RFTN1: variants seen among roughly 807,000 people sequenced by gnomAD.
RFTN1 encodes raftlin, lipid raft linker 1.
RFTN1 carries 26 observed loss-of-function variants against 46.5 expected under a neutral mutation model. The ratio of observed to expected loss-of-function variants is 0.56; its 90% CI spans 0.41 to 0.78. The LOEUF is 0.78. RFTN1 is among the 30% of genes least tolerant of loss of function. The probability of loss-of-function intolerance (pLI) is 0.00; values close to 1 mark genes in which losing one functional copy is unlikely to be tolerated. For missense variants in RFTN1, 693 were observed against 718.7 expected (o/e 0.96, Z 0.41); for synonymous variants, 261 against 284.2 (o/e 0.92, Z 0.82).
chr3:16,383,641 A>T lies in RFTN1; in HGVS notation c.442-5539T>A, dbSNP rs1230438753. ...CCATGTTGCTAATGATAAGTGCGAT[A>T]TATACTCTATGTGCATGCGAATATA... On this transcript the variant is annotated intron_variant, in intron 4 of 9. Transcript: ENST00000334133. This position sits in a 1 kb window ranked among gnomAD's most constrained non-coding sequence, Gnocchi z 4.0. Among the ~76,000 whole-genome samples the T allele has an allele frequency of 6.6e-6, 1 of 152,252 alleles. No individual in the cohort carries two copies. Among genetic ancestry groups the T allele is most frequent in the Non-Finnish European group, 1.5e-5 (1 of 68,054 alleles).
rs1451960979 is a variant in RFTN1, at chr3:16,433,502, G to A, written c.332+349C>T. ...ACAAAATTATTTGTTTTCCAGTCAT[G>A]CCTTTCAGTTTAAAAGTATTGCACT... On this transcript the variant is annotated intron_variant, in intron 3 of 9. Coordinates refer to ENST00000334133, the MANE Select transcript of RFTN1 (RefSeq NM_015150.2). This position sits in a 1 kb window ranked among gnomAD's most constrained non-coding sequence, Gnocchi z 4.4. Among the ~76,000 whole-genome samples, 1 of 152,172 alleles carries A rather than the reference G, an allele frequency of 6.6e-6. No homozygotes were observed. The highest frequency in any genetic ancestry group is 1.9e-4 in the East Asian group (1 of 5,200).
chr3:16,382,470 G>A lies in RFTN1; in HGVS notation c.442-4368C>T, dbSNP rs1336751226. 6.6e-6 allele frequency among the ~76,000 whole-genome samples: 1 copy of A among 152,172 alleles called. No homozygotes were observed. The highest frequency in any genetic ancestry group is 2.4e-5 in the African/African-American group (1 of 41,438). On this transcript the variant is annotated intron_variant, in intron 4 of 9. Coordinates refer to ENST00000334133, the MANE Select transcript of RFTN1 (RefSeq NM_015150.2). The surrounding 1 kb of genome is among the most constrained non-coding windows in gnomAD (Gnocchi z 4.7). ...TTCATCATGGTGGTGGGCATGCGAT[G>A]TATTCATCAGGGTTCATCCCCGGCT...
In RFTN1 at chr3:16,457,714, A is replaced by C. The variant is rs2075935631; in HGVS notation, c.146-23677T>G. ...AGTGGAGCAGGGAATAAGTATACAC[A>C]CAACTATTAGACAAAGGAGACTTTT... On this transcript the variant is annotated intron_variant, in intron 2 of 9. Coordinates refer to ENST00000334133, the MANE Select transcript of RFTN1 (RefSeq NM_015150.2). This position sits in a 1 kb window ranked among gnomAD's most constrained non-coding sequence, Gnocchi z 4.2. Among the ~76,000 whole-genome samples, 1 of 152,188 alleles carries C rather than the reference A, an allele frequency of 6.6e-6. No homozygotes were observed. The highest frequency in any genetic ancestry group is 1.9e-4 in the East Asian group (1 of 5,198).
At chr3:16,347,083 C>A (rs574412912) in intron 7 of RFTN1, among the ~76,000 whole-genome samples, 2 of 152,166 alleles carry the variant, frequency 1.3e-5, no homozygotes, top group Non-Finnish European at 2.9e-5. Context: ...CTTCTGTTGG[C>A]CTTTCCCCCA....
intron 6 of RFTN1, among the ~76,000 whole-genome samples, chr3:16,359,669 A>T (rs1221671467): frequency 1.3e-5 from 2 of 152,222 alleles, no homozygotes; most frequent in Non-Finnish European, 2.9e-5. Flanking sequence ...TCCAGAACTG[A>T]GAGAAAATAA....
In RFTN1 at chr3:16,513,636, C is replaced by G. The variant is rs1420455363; in HGVS notation, c.-203G>C. ...GGCGATCGGTGCGTCTGTCCCTCGC[C>G]GGAGCCCGCGGCCGCCGCGCTCTCG... On this transcript the variant is annotated 5_prime_UTR_variant, in exon 1 of 10. Transcript: ENST00000334133. This position sits in a 1 kb window ranked among gnomAD's most constrained non-coding sequence, Gnocchi z 5.4. 6.6e-6 allele frequency: 1 copy of G among 151,388 alleles called. No homozygotes were observed. The highest frequency in any genetic ancestry group is 2.4e-5 in the African/African-American group (1 of 41,236). 9.4% of individuals were successfully genotyped at this position (151,388 alleles called of 1,614,324 possible). A position where few individuals can be genotyped will look rare whatever the true frequency, so the allele number is the denominator to read the frequency against.
chr3:16,398,042 C>T (rs573672196), intron 4 of RFTN1, among the ~76,000 whole-genome samples: 4 of 151,862 alleles, frequency 2.6e-5, no homozygotes, highest in Admixed American at 6.6e-5. Context: ...GTCAGGAGTT[C>T]GAGACCAGCC....
At position 16,499,044 on chromosome 3, in the gene RFTN1, G is replaced by A. The variant is rs1029294082; in HGVS notation, c.-8-5167C>T. On this transcript the variant is annotated intron_variant, in intron 1 of 9. Coordinates refer to ENST00000334133, the MANE Select transcript of RFTN1 (RefSeq NM_015150.2). The surrounding 1 kb of genome is among the most constrained non-coding windows in gnomAD (Gnocchi z 4.9). ...AGTGGGAGGGAAGGCAGAGGAAAAG[G>A]TCTAAGGAATAGTACTGTCAGATGC... Among the ~76,000 whole-genome samples, 3 of 152,178 alleles carry A rather than the reference G, an allele frequency of 2.0e-5. No individual in the cohort carries two copies. The highest frequency in any genetic ancestry group is 4.4e-5 in the Non-Finnish European group (3 of 68,040).
Position 16,458,223 on chromosome 3 carries a change from G to A in RFTN1, c.146-24186C>T, listed in dbSNP as rs376938425. 6.6e-6 allele frequency among the ~76,000 whole-genome samples: 1 copy of A among 152,304 alleles called. No individual in the cohort carries two copies. The highest frequency in any genetic ancestry group is 2.1e-4 in the South Asian group (1 of 4,826). On this transcript the variant is annotated intron_variant, in intron 2 of 9. Coordinates refer to ENST00000334133, the MANE Select transcript of RFTN1 (RefSeq NM_015150.2). The surrounding 1 kb of genome is among the most constrained non-coding windows in gnomAD (Gnocchi z 5.1). The stretch of plus-strand genomic sequence containing the variant: ...CCATGCTTGTGTTAGGTACCAGGAA[G>A]ATAAAAGGAAACAAGATGAGATGAT...
chr3:16,476,729 G>A (rs372572528), intron 2 of RFTN1, among the ~76,000 whole-genome samples: 4 of 152,158 alleles, frequency 2.6e-5, no homozygotes, highest in Admixed American at 6.5e-5. Context: ...TGCCACAGTC[G>A]AAGGAGACTC....
chr3:16,343,494 T>C (rs1173792618), intron 7 of RFTN1, among the ~76,000 whole-genome samples: 2 of 152,226 alleles, frequency 1.3e-5, no homozygotes, highest in African/African-American at 4.8e-5. Flanking sequence ...CATTTCCAGG[T>C]GTCTCCCGCA....
chr3:16,505,355 T>C lies in RFTN1; in HGVS notation c.-9+8087A>G, dbSNP rs955179550. On this transcript the variant is annotated intron_variant, in intron 1 of 9. Transcript: ENST00000334133. ...TCCAGGCACCACCCTTTTCCTCCAG[T>C]GGACCTCCACCTGACATTCCTTTCC... 4.1e-4 allele frequency among the ~76,000 whole-genome samples: 63 copies of C among 152,200 alleles called. 2 individuals are homozygous for C. The highest frequency in any genetic ancestry group is 4.1e-3 in the Admixed American group (63 of 15,284).
intron 7 of RFTN1, among the ~76,000 whole-genome samples, chr3:16,357,532 C>T (rs1314147232): frequency 6.6e-6 from 1 of 152,214 alleles, no homozygotes; most frequent in African/African-American, 2.4e-5. Context: ...AGCTCATGTG[C>T]ATAACTCTAA....
rs577020147 is a variant in RFTN1 at position 16,413,536 on chromosome 3, C to A, written c.333-4053G>T. On this transcript the variant is annotated intron_variant, in intron 3 of 9. Transcript: ENST00000334133. The surrounding 1 kb of genome is among the most constrained non-coding windows in gnomAD (Gnocchi z 4.7). ...GAAAAGAATATGGGAAACCACCAAA[C>A]TTCCCCTGGACAGAAGTCCAGATGA... 1.3e-5 allele frequency among the ~76,000 whole-genome samples: 2 copies of A among 152,214 alleles called. No individual in the cohort carries two copies. The highest frequency in any genetic ancestry group is 2.9e-5 in the Non-Finnish European group (2 of 68,028).
rs992121865 is a variant in RFTN1, at chr3:16,353,577, A to T, written c.1146+4355T>A. ...ATCTCAGAGCCACCGTTAAAGACTA[A>T]ATGTTTTCTATCCTCCCACAATGCG... On this transcript the variant is annotated intron_variant, in intron 7 of 9. Coordinates refer to ENST00000334133, the MANE Select transcript of RFTN1 (RefSeq NM_015150.2). This position sits in a 1 kb window ranked among gnomAD's most constrained non-coding sequence, Gnocchi z 5.4. Among the ~76,000 whole-genome samples the T allele has an allele frequency of 3.3e-5, 5 of 152,150 alleles. No individual in the cohort carries two copies. The highest frequency in any genetic ancestry group is 7.4e-5 in the Non-Finnish European group (5 of 68,024).
At chr3:16,406,223 T>A (rs546021461) in intron 4 of RFTN1, among the ~76,000 whole-genome samples, 41 of 152,202 alleles carry the variant, frequency 2.7e-4, no homozygotes, top group Admixed American at 7.2e-4. Flanking sequence ...TTAGAAATTA[T>A]GGCCAGCAAC....
chr3:16,388,677 AAAAAG>A (rs2074268749), intron 4 of RFTN1, among the ~76,000 whole-genome samples: 1 of 152,236 alleles, frequency 6.6e-6, no homozygotes, highest in Non-Finnish European at 1.5e-5. Flanking sequence ...TCCCCTCAGG[AAAAAG>A]AAAAGAAGTA....
intron 2 of RFTN1, among the ~76,000 whole-genome samples, chr3:16,437,412 A>C (rs535179653): frequency 1.3e-5 from 2 of 152,132 alleles, no homozygotes; most frequent in South Asian, 4.1e-4. Context: ...TTTGAAGGGC[A>C]ATACCACCCT....
rs1443084240 is a variant in RFTN1, at chr3:16,376,978, T to TA, written c.826+739dup. ...CTCCTAAGCCCTGGGGGTCTTCTGT[T>TA]AGTTTTCATACTTGTTCTTACTTAC... On this transcript the variant is annotated intron_variant, in intron 5 of 9. Transcript: ENST00000334133. This position sits in a 1 kb window ranked among gnomAD's most constrained non-coding sequence, Gnocchi z 4.7. Among the ~76,000 whole-genome samples the TA allele has an allele frequency of 2.0e-5, 3 of 152,110 alleles. No individual in the cohort carries two copies. Among genetic ancestry groups the TA allele is most frequent in the African/African-American group, 7.2e-5 (3 of 41,418 alleles).
Sources: allele counts gnomAD v4.1 joint callset (sites outside exome capture counted in the v4.1 genomes callset), GRCh38; gene constraint gnomAD v4.1.1; non-coding constraint Gnocchi (gnomAD v3.1); transcripts MANE v1.5; gene names NCBI Gene and HGNC (gene_info 2026-07-23, HGNC 2026-07-21).